Variants in SPRED1 observed in about 807,000 individuals in gnomAD.
SPRED1 encodes the protein sprouty related EVH1 domain containing 1, also known as sprouty-related, EVH1 domain-containing protein 1.
A neutral mutation model predicts 52.3 loss-of-function variants in SPRED1; 18 were observed. The observed-to-expected ratio is 0.34, with a 90% CI of 0.24 to 0.51. The LOEUF (loss-of-function observed/expected upper bound fraction) is 0.51. Ranked by LOEUF, SPRED1 falls within the 20% of genes least tolerant of loss-of-function variation. SPRED1 has a pLI of 0.97. For missense variants in SPRED1, 485 were observed against 551.0 expected (o/e 0.88, Z 1.20); for synonymous variants, 155 against 179.7 (o/e 0.86, Z 1.10).
intron 2 of SPRED1, among the ~76,000 whole-genome samples, chr15:38,315,356 T>C (rs1895455107): frequency 6.6e-6 from 1 of 151,950 alleles, no homozygotes; most frequent in Non-Finnish European, 1.5e-5. Context: ...TAGTACTTAG[T>C]AATTTAAAAG....
At chr15:38,340,890 G>A (rs569233279) in intron 5 of SPRED1, among the ~76,000 whole-genome samples, 77 of 152,002 alleles carry the variant, frequency 5.1e-4, no homozygotes, top group African/African-American at 1.8e-3. Flanking sequence ...TATAAAATAA[G>A]TTGGACAGTA....
intron 1 of SPRED1, among the ~76,000 whole-genome samples, chr15:38,278,129 A>T (rs10152231): frequency 0.83 from 125,565 of 152,136 alleles, 52,573 homozygotes; most frequent in Non-Finnish European, 0.9. Flanking sequence ...ACTAGCAGTA[A>T]TGAAAACAGA....
At chr15:38,338,593 A>T (rs1161126847) in intron 4 of SPRED1, among the ~76,000 whole-genome samples, 1 of 152,108 alleles carries the variant, frequency 6.6e-6, no homozygotes, top group African/African-American at 2.4e-5. Flanking sequence ...AGATTCTCAG[A>T]TATATTTTTA....
At chr15:38,275,868 C>G (rs939469147) in intron 1 of SPRED1, among the ~76,000 whole-genome samples, 1 of 152,094 alleles carries the variant, frequency 6.6e-6, no homozygotes, top group Non-Finnish European at 1.5e-5. Flanking sequence ...TTCACAATAC[C>G]CAGGTAAGGT....
chr15:38,349,821 C>A (rs1888442480), intron 6 of SPRED1, among the ~76,000 whole-genome samples: 1 of 152,136 alleles, frequency 6.6e-6, no homozygotes, highest in Non-Finnish European at 1.5e-5. Flanking sequence ...ATTTTCTTAG[C>A]CCTAATTCCA....
At position 38,339,751 on chromosome 15, in the gene SPRED1, T is replaced by C. The variant is rs757357920; in HGVS notation, c.438T>C (p.Asp146=). Residue 146 remains aspartate, a synonymous_variant, in exon 5 of 7, where the codon GAT becomes GAC. Transcript: ENST00000299084. ...GADDLQANEE[D]SSSSLVKDHL... ...GTTCCCAATAGGCAAATGAAGAGGATTCTTCCAGTTCTCTAGTGAAGGATC... is the reference window on the plus strand; with the variant it reads ...GTTCCCAATAGGCAAATGAAGAGGACTCTTCCAGTTCTCTAGTGAAGGATC... 9 of 1,613,722 alleles carry C rather than the reference T, an allele frequency of 5.6e-6. No homozygotes were observed. The Admixed American group carries it at 8.3e-5, about 15-fold the overall frequency.
intron 2 of SPRED1, among the ~76,000 whole-genome samples, chr15:38,301,189 G>A (rs1895142707): frequency 6.6e-6 from 1 of 152,156 alleles, no homozygotes; most frequent in Non-Finnish European, 1.5e-5. Context: ...TTATGAGTCT[G>A]CACAGATTGA....
intron 5 of SPRED1, among the ~76,000 whole-genome samples, chr15:38,348,430 G>GTGTGTT (rs1896186595): frequency 6.6e-6 from 1 of 151,832 alleles, no homozygotes; most frequent in African/African-American, 2.4e-5. Context: ...GTGTGTGTGT[G>GTGTGTT]TGTGTGTGTC....
intron 1 of SPRED1, among the ~76,000 whole-genome samples, chr15:38,273,587 G>A (rs986800224): frequency 2.0e-5 from 3 of 147,872 alleles, no homozygotes; most frequent in African/African-American, 7.4e-5. Context: ...TATAGGATGT[G>A]TAGGACTTTA....
At chr15:38,274,202 A>T (rs889932892) in intron 1 of SPRED1, among the ~76,000 whole-genome samples, 6 of 152,220 alleles carry the variant, frequency 3.9e-5, no homozygotes, top group African/African-American at 1.4e-4. Flanking sequence ...CCTTTAGAGT[A>T]GAAGTTTAAG....
chr15:38,336,301 G>T (rs537069922), intron 4 of SPRED1, among the ~76,000 whole-genome samples: 40 of 150,850 alleles, frequency 2.7e-4, no homozygotes, highest in African/African-American at 8.3e-4. Flanking sequence ...GCATATGCAT[G>T]CTTAGAGCAC....
intron 2 of SPRED1, among the ~76,000 whole-genome samples, chr15:38,316,248 A>G (rs1419921990): frequency 6.6e-6 from 1 of 151,960 alleles, no homozygotes; most frequent in Non-Finnish European, 1.5e-5. Flanking sequence ...TAATAAATTT[A>G]TGTCAACAGT....
chr15:38,326,012 C>G (rs1158109302), intron 4 of SPRED1: 2 of 152,172 alleles, frequency 1.3e-5, no homozygotes, highest in Non-Finnish European at 2.9e-5. Flanking sequence ...TGACTTTGGA[C>G]TCAGGACTCA....
At chr15:38,293,099 C>CTTTTTTTTT (rs66511254) in intron 1 of SPRED1, among the ~76,000 whole-genome samples, 3,092 of 90,350 alleles carry the variant, frequency 0.034, 667 homozygotes, top group African/African-American at 0.063. Flanking sequence ...AAGATTACAA[C>CTTTTTTTTT]TTTTTTTTTT....
chr15:38,327,012 G>A (rs1328032796), intron 4 of SPRED1, among the ~76,000 whole-genome samples: 3 of 152,138 alleles, frequency 2.0e-5, no homozygotes, highest in East Asian at 1.9e-4. Flanking sequence ...AGGTCACATG[G>A]CAGTTACCCT....
chr15:38,330,275 T>A lies in SPRED1; in HGVS notation c.423+5466T>A, dbSNP rs185194718. 6.1e-4 allele frequency among the ~76,000 whole-genome samples: 93 copies of A among 152,296 alleles called. 1 individual carries two copies. Among genetic ancestry groups the A allele is most frequent in the African/African-American group, 2.2e-3 (91 of 41,582 alleles). On this transcript the variant is annotated intron_variant, in intron 4 of 6. Coordinates refer to ENST00000299084, the MANE Select transcript of SPRED1 (RefSeq NM_152594.3). ...ATTGTGTCTTGCTGCATTTTTTATA[T>A]TCCTTCTATATTATTTCATCACAGA...
At chr15:38,269,151 C>T (rs930682514) in intron 1 of SPRED1, among the ~76,000 whole-genome samples, 1 of 151,958 alleles carries the variant, frequency 6.6e-6, no homozygotes, top group East Asian at 1.9e-4. Flanking sequence ...CGTGTGTTAG[C>T]CAGGGTGGTC....
intron 1 of SPRED1, among the ~76,000 whole-genome samples, chr15:38,287,781 A>G (rs769067176): frequency 6.6e-6 from 1 of 152,198 alleles, no homozygotes; most frequent in Non-Finnish European, 1.5e-5. Flanking sequence ...GTATTTTGCC[A>G]TTTTATATCA....
intron 2 of SPRED1, among the ~76,000 whole-genome samples, chr15:38,306,651 G>T (rs1219375855): frequency 6.6e-6 from 1 of 152,138 alleles, no homozygotes; most frequent in Non-Finnish European, 1.5e-5. Flanking sequence ...CTTGAAGAGG[G>T]GGAAGAAGTC....
Sources: allele counts gnomAD v4.1 joint callset (sites outside exome capture counted in the v4.1 genomes callset), GRCh38; gene constraint gnomAD v4.1.1; transcripts MANE v1.5; gene names NCBI Gene and HGNC (gene_info 2026-07-23, HGNC 2026-07-21).